Variants in SEM1 observed in about 807,000 individuals in gnomAD.
The protein encoded by SEM1 is 26S proteasome complex subunit SEM1.
Under a neutral mutation model 12.7 loss-of-function variants are expected in SEM1, and 3 were observed. The observed-to-expected ratio is 0.24, with a 90% CI of 0.11 to 0.61. The LOEUF (loss-of-function observed/expected upper bound fraction) is 0.61, where lower values mean the gene tolerates loss of function less well. Ranked by LOEUF, SEM1 falls within the 20% of genes least tolerant of loss-of-function variation. The probability of loss-of-function intolerance (pLI) is 0.88; values close to 1 mark genes in which losing one functional copy is unlikely to be tolerated. For missense variants in SEM1, 59 were observed against 81.3 expected, an observed-to-expected ratio of 0.73 and a Z score of 1.06; for synonymous variants, 30 against 27.8, an observed-to-expected ratio of 1.08 and a Z score of -0.25.
At chr7:96,661,988 C>CAAAA (rs890732912) in intron 2 of SEM1, among the ~76,000 whole-genome samples, 1 of 36,018 alleles carries the variant, frequency 2.8e-5, no homozygotes, top group Non-Finnish European at 6.4e-5. Flanking sequence ...AACTCCGTCT[C>CAAAA]AAAAAAAAAA....
intron 2 of SEM1, among the ~76,000 whole-genome samples, chr7:96,509,198 G>T (rs372317619): frequency 6.9e-6 from 1 of 145,736 alleles, no homozygotes; most frequent in Non-Finnish European, 1.5e-5. Context: ...TAGAGACAGG[G>T]TTTCTCCAGG....
chr7:96,484,919 G>C (rs1802693778), intron 2 of SEM1: 1 of 1,020,224 alleles, frequency 9.8e-7, no homozygotes, highest in South Asian at 1.4e-5. Context: ...TCTTACCCTG[G>C]TGGAAATGGG....
At chr7:96,561,987 G>T (rs927574312) in intron 2 of SEM1, among the ~76,000 whole-genome samples, 1 of 152,166 alleles carries the variant, frequency 6.6e-6, no homozygotes. Context: ...TACAACTGTA[G>T]CACAGAATAA....
rs1036984947 is a variant in SEM1, at chr7:96,615,976, T to C, written c.170+78822A>G. Among the ~76,000 whole-genome samples, 5 of 152,224 alleles carry C rather than the reference T, an allele frequency of 3.3e-5. No homozygotes were observed. In the South Asian group the frequency reaches 6.2e-4, roughly 19 times the overall value. ...GGACACTTAGGTTGATTTGATATCTTTACTATCGAAAATAGTACTGTGATA... is the reference window on the plus strand; with the variant it reads ...GGACACTTAGGTTGATTTGATATCTCTACTATCGAAAATAGTACTGTGATA... On this transcript the variant is annotated intron_variant and NMD_transcript_variant, in intron 2 of 3. Transcript: ENST00000466986.
chr7:96,620,842 A>G (rs1807871075), downstream of SEM1, among the ~76,000 whole-genome samples: 1 of 151,656 alleles, frequency 6.6e-6, no homozygotes, highest in African/African-American at 2.4e-5. Flanking sequence ...TTTTTAGTTT[A>G]TATTTTTGCA....
At chr7:96,631,277 G>A (rs1043459313) in intron 2 of SEM1, among the ~76,000 whole-genome samples, 2 of 152,158 alleles carry the variant, frequency 1.3e-5, no homozygotes, top group Admixed American at 6.5e-5. Context: ...CAAGGCTTGC[G>A]GGGAACTCAA....
intron 1 of SEM1, among the ~76,000 whole-genome samples, chr7:96,493,636 C>T (rs1803118354): frequency 6.6e-6 from 1 of 152,090 alleles, no homozygotes; most frequent in Non-Finnish European, 1.5e-5. Context: ...GAGTGATTTT[C>T]CTAAACAGTT....
chr7:96,529,737 C>G (rs1584740539), intron 2 of SEM1, among the ~76,000 whole-genome samples: 1 of 152,292 alleles, frequency 6.6e-6, no homozygotes, highest in East Asian at 1.9e-4. Context: ...GTGTTTTACA[C>G]TCACCTCAGC....
At chr7:96,488,118 C>A (rs1802844636) in intron 1 of SEM1, among the ~76,000 whole-genome samples, 1 of 151,984 alleles carries the variant, frequency 6.6e-6, no homozygotes, top group Non-Finnish European at 1.5e-5. Flanking sequence ...ATTGTTAAAC[C>A]AAGGGAGAGC....
chr7:96,582,202 A>G (rs936115471), intron 2 of SEM1, among the ~76,000 whole-genome samples: 5 of 151,268 alleles, frequency 3.3e-5, no homozygotes, highest in Non-Finnish European at 7.4e-5. Context: ...ATTTTGTCAA[A>G]GGCCTTTTCT....
At chr7:96,706,751 C>T (rs549673177) in intron 1 of SEM1, among the ~76,000 whole-genome samples, 3 of 152,186 alleles carry the variant, frequency 2.0e-5, no homozygotes, top group Admixed American at 6.5e-5. Context: ...CCACCAGTAA[C>T]GACTTTCATG....
chr7:96,706,470 G>A (rs1790464871), intron 1 of SEM1: 1 of 151,356 alleles, frequency 6.6e-6, no homozygotes, highest in Non-Finnish European at 1.5e-5. Flanking sequence ...GCTGAGGCAG[G>A]AGAATCGCTT....
chr7:96,593,503 A>G lies in SEM1; in HGVS notation c.171-86805T>C, dbSNP rs192576349. On this transcript the variant is annotated intron_variant and NMD_transcript_variant, in intron 2 of 3. Transcript: ENST00000466986. ...TGTTGGCCTGTTCCCCAATCAGATG[A>G]AATTTGCAGAACCCAGTGTGCCGTA... is the stretch of plus-strand genomic sequence containing the variant. Among the ~76,000 whole-genome samples, 6 of 152,282 alleles carry G rather than the reference A, an allele frequency of 3.9e-5. No individual in the cohort carries two copies. In the East Asian group the frequency reaches 7.7e-4, roughly 20 times the overall value.
chr7:96,546,962 A>G (rs966292051), intron 2 of SEM1, among the ~76,000 whole-genome samples: 3 of 152,108 alleles, frequency 2.0e-5, no homozygotes, highest in Non-Finnish European at 4.4e-5. Flanking sequence ...TGTAGCTGGC[A>G]TGAGGACATA....
At position 96,634,639 on chromosome 7, in the gene SEM1, T is replaced by C. The variant is rs1435321786; in HGVS notation, c.171-11996A>G. 3.1e-4 allele frequency among the ~76,000 whole-genome samples: 47 copies of C among 149,932 alleles called. No homozygotes were observed. The Admixed American group carries it at 3.1e-3, about 10-fold the overall frequency. ...ACATAAGAAAAATAAAGATAATTCA[T>C]GTAGGGTGGTATAATTTTGACTTGA... On this transcript the variant is annotated intron_variant, in intron 2 of 2. Coordinates refer to the SEM1 transcript ENST00000417009.
chr7:96,554,556 A>G (rs1379209164), intron 2 of SEM1, among the ~76,000 whole-genome samples: 4 of 149,162 alleles, frequency 2.7e-5, no homozygotes, highest in Non-Finnish European at 5.9e-5. Context: ...CCACTTGATC[A>G]TGGTGGATAA....
At chr7:96,549,319 G>A (rs959708898) in intron 2 of SEM1, among the ~76,000 whole-genome samples, 3 of 152,170 alleles carry the variant, frequency 2.0e-5, no homozygotes, top group Admixed American at 6.5e-5. Flanking sequence ...GTTTGCCATA[G>A]CACCATGTCT....
chr7:96,508,114 G>A (rs148214989), intron 2 of SEM1, among the ~76,000 whole-genome samples: 82 of 151,948 alleles, frequency 5.4e-4, no homozygotes, highest in African/African-American at 2.0e-3. Context: ...TAGAAATGGG[G>A]TGAGTCTCTA....
chr7:96,645,403 A>G (rs1584829681), intron 2 of SEM1: 2 of 184,082 alleles, frequency 1.1e-5, no homozygotes, highest in African/African-American at 2.3e-5. Context: ...CACAAACCCC[A>G]GACAAAGTAG....
Sources: allele counts gnomAD v4.1 joint callset (sites outside exome capture counted in the v4.1 genomes callset), GRCh38; gene constraint gnomAD v4.1.1; transcripts MANE v1.5; gene names NCBI Gene and HGNC (gene_info 2026-07-23, HGNC 2026-07-21).